The following LRCH1 variants were observed in gnomAD, a reference collection of about 807,000 sequenced individuals.
The protein encoded by LRCH1 is leucine rich repeats and calponin homology domain containing 1, also known as leucine-rich repeat and calponin homology domain-containing protein 1.
Under a neutral mutation model 94.9 loss-of-function variants are expected in LRCH1, and 23 were observed. The observed-to-expected ratio is 0.24, with a 90% CI of 0.17 to 0.34. The LOEUF (loss-of-function observed/expected upper bound fraction) is 0.34. LRCH1 is among the 10% of genes least tolerant of loss of function. The pLI, the probability that LRCH1 is intolerant of heterozygous loss-of-function variation, is 1.00. For synonymous variants in LRCH1, 364 were observed against 354.9 expected (o/e 1.03, Z -0.29); for missense variants, 790 against 945.9 (o/e 0.84, Z 2.16).
intron 2 of LRCH1, among the ~76,000 whole-genome samples, chr13:46,652,888 C>A (rs550592339): frequency 6.6e-6 from 1 of 152,292 alleles, no homozygotes; most frequent in East Asian, 1.9e-4. Context: ...GCTAATCACA[C>A]TAAATAATGT....
chr13:46,700,337 G>T (rs1464569011), intron 10 of LRCH1, among the ~76,000 whole-genome samples: 1 of 152,124 alleles, frequency 6.6e-6, no homozygotes, highest in Admixed American at 6.5e-5. Flanking sequence ...GGCTTGCTGT[G>T]ATCAAATCTC....
At chr13:46,667,538 A>G (rs1273143572) in intron 2 of LRCH1, among the ~76,000 whole-genome samples, 35 of 101,380 alleles carry the variant, frequency 3.5e-4, no homozygotes, top group Non-Finnish European at 4.5e-4. Context: ...GGGTGGGGGG[A>G]GGGGGGGAGG....
chr13:46,709,679 C>G (rs1462574621), intron 13 of LRCH1, among the ~76,000 whole-genome samples: 1 of 152,094 alleles, frequency 6.6e-6, no homozygotes, highest in Non-Finnish European at 1.5e-5. Context: ...TTTATTCTAT[C>G]CCCAACTTAC....
intron 1 of LRCH1, among the ~76,000 whole-genome samples, chr13:46,554,072 G>A (rs1237678626): frequency 6.6e-6 from 1 of 152,256 alleles, no homozygotes; most frequent in African/African-American, 2.4e-5. Flanking sequence ...AGGCGGCTGT[G>A]TCGGCTTCCT....
At chr13:46,680,875 A>C (rs1026784606) in intron 3 of LRCH1, among the ~76,000 whole-genome samples, 2 of 152,312 alleles carry the variant, frequency 1.3e-5, no homozygotes, top group South Asian at 4.1e-4. Context: ...ATGTATGGAA[A>C]CCAGTCAGGA....
chr13:46,628,155 C>A (rs1307959702), intron 1 of LRCH1, among the ~76,000 whole-genome samples: 2 of 152,160 alleles, frequency 1.3e-5, no homozygotes, highest in African/African-American at 4.8e-5. Context: ...AGAAGACATA[C>A]TACATTCCTA....
chr13:46,650,877 T>G (rs891060202), intron 2 of LRCH1, among the ~76,000 whole-genome samples: 2 of 152,236 alleles, frequency 1.3e-5, no homozygotes, highest in African/African-American at 2.4e-5. Flanking sequence ...ATACAAAGTT[T>G]GCTATCTATC....
intron 14 of LRCH1, 83 bp from the exon 15 acceptor site, chr13:46,712,442 A>G: frequency 9.2e-7 from 1 of 1,091,620 alleles, no homozygotes; most frequent in Non-Finnish European, 1.4e-6. Context: ...TTTTGTTACA[A>G]TCCTTGAACA....
chr13:46,644,241 TG>T (rs2051193592), intron 1 of LRCH1, among the ~76,000 whole-genome samples: 1 of 152,238 alleles, frequency 6.6e-6, no homozygotes, highest in African/African-American at 2.4e-5. Flanking sequence ...ATGCTTGAAT[TG>T]GTCAATGCGT....
At chr13:46,659,575 A>G (rs1181254297) in intron 2 of LRCH1, among the ~76,000 whole-genome samples, 2 of 152,158 alleles carry the variant, frequency 1.3e-5, no homozygotes, top group Admixed American at 6.6e-5. Context: ...GTAGCAAAAA[A>G]CCAAAAAGAA....
chr13:46,644,160 G>A (rs2051192472), intron 1 of LRCH1, among the ~76,000 whole-genome samples: 1 of 152,186 alleles, frequency 6.6e-6, no homozygotes, highest in Non-Finnish European at 1.5e-5. Flanking sequence ...TCATCTTTAG[G>A]TTGGTGGGGC....
chr13:46,657,500 C>CTTTTTT lies in LRCH1; in HGVS notation c.452+7192_452+7197dup, dbSNP rs67588975. The stretch of plus-strand genomic sequence containing the variant: ...TCATTTTTACTTTTTCTTTTCTTTT[C>CTTTTTT]TTTTTTTTTTTTTTTTTTTTTTTTT... On this transcript the variant is annotated intron_variant, in intron 2 of 19. Coordinates refer to ENST00000389797, the MANE Select transcript of LRCH1 (RefSeq NM_001164211.2). Among the ~76,000 whole-genome samples the CTTTTTT allele has an allele frequency of 1.8e-3, 21 of 11,374 alleles. 4 individuals are homozygous for CTTTTTT. The highest frequency in any genetic ancestry group is 3.1e-3 in the Non-Finnish European group (19 of 6,132). 7.5% of individuals were successfully genotyped at this position (11,374 alleles called of 152,430 possible). A position where few individuals can be genotyped will look rare whatever the true frequency, so the allele number is the denominator to read the frequency against.
intron 1 of LRCH1, among the ~76,000 whole-genome samples, chr13:46,643,433 TC>T (rs1473388255): frequency 6.6e-6 from 1 of 152,216 alleles, no homozygotes. Flanking sequence ...TTCCTTTCTC[TC>T]TTTTTCTCTC....
At chr13:46,705,010 A>G (rs547089582) in intron 11 of LRCH1, 58 bp from the exon 12 acceptor site, 1 of 922,806 alleles carries the variant, frequency 1.1e-6, no homozygotes, top group East Asian at 2.6e-5. Flanking sequence ...GACCAATAGA[A>G]TTTATTAAAA....
intron 15 of LRCH1, among the ~76,000 whole-genome samples, chr13:46,713,774 G>T (rs1437061116): frequency 6.6e-6 from 1 of 152,186 alleles, no homozygotes; most frequent in African/African-American, 2.4e-5. Flanking sequence ...GGTCTCAGGT[G>T]TGTCCTGGGA....
intron 1 of LRCH1, among the ~76,000 whole-genome samples, chr13:46,639,801 G>A (rs754812224): frequency 1.3e-5 from 2 of 152,160 alleles, no homozygotes; most frequent in African/African-American, 2.4e-5. Flanking sequence ...TGCACCCTTG[G>A]GGACCAGTGT....
chr13:46,746,667 C>G (rs1873925192), downstream of LRCH1, among the ~76,000 whole-genome samples: 1 of 152,166 alleles, frequency 6.6e-6, no homozygotes, highest in Admixed American at 6.5e-5. Context: ...TGCTGTAAGT[C>G]CATTATGAAC....
intron 9 of LRCH1, among the ~76,000 whole-genome samples, chr13:46,696,057 GC>G (rs1871163269): frequency 6.6e-6 from 1 of 152,122 alleles, no homozygotes; most frequent in East Asian, 1.9e-4. Context: ...CACACCCATT[GC>G]CTTGTTTCTG....
chr13:46,673,859 C>T (rs1294341578), intron 3 of LRCH1, among the ~76,000 whole-genome samples: 1 of 151,160 alleles, frequency 6.6e-6, no homozygotes, highest in Non-Finnish European at 1.5e-5. Context: ...CTGCTCACTG[C>T]AGGCTCCGCC....
Sources: gnomAD v4.1 joint callset for allele counts (sites outside exome capture counted in the v4.1 genomes callset) on GRCh38, gnomAD v4.1.1 for gene constraint, MANE v1.5 for transcripts, NCBI Gene and HGNC (gene_info 2026-07-23, HGNC 2026-07-21) for gene names.